The following PIP5K1A variants were observed in gnomAD, a reference collection of about 807,000 sequenced individuals.
PIP5K1A encodes the protein phosphatidylinositol 4-phosphate 5-kinase type-1 alpha.
PIP5K1A carries 46 observed loss-of-function variants against 72.9 expected under a neutral mutation model. That is an observed-to-expected ratio of 0.63 (90% CI 0.50 to 0.81). The LOEUF (loss-of-function observed/expected upper bound fraction) is 0.81, where lower values mean the gene tolerates loss of function less well. Among genes scored for constraint, PIP5K1A ranks in the 30% least tolerant of loss-of-function variants. The pLI is 0.00. For missense variants in PIP5K1A, 458 were observed against 706.1 expected (o/e 0.65, Z 3.98); for synonymous variants, 228 against 255.1 (o/e 0.89, Z 1.01).
chr1:151,242,026 G>T, intron 12 of PIP5K1A, 97 bp from the exon 13 acceptor site: 1 of 1,217,898 alleles, frequency 8.2e-7, no homozygotes, highest in Non-Finnish European at 1.2e-6. Context: ...GACCAACTTT[G>T]GGTGTGTGTT....
intron 14 of PIP5K1A, among the ~76,000 whole-genome samples, chr1:151,243,208 ATT>A (rs1692018626): frequency 6.6e-6 from 1 of 152,142 alleles, no homozygotes; most frequent in Non-Finnish European, 1.5e-5. Context: ...GTCTCCAGTA[ATT>A]TACATACCTC....
upstream of PIP5K1A, among the ~76,000 whole-genome samples, chr1:151,196,625 G>T (rs1179541993): frequency 6.7e-6 from 1 of 149,004 alleles, no homozygotes; most frequent in Non-Finnish European, 1.5e-5. Flanking sequence ...CGCCATCTCG[G>T]CTCACCGAAA....
chr1:151,239,337 A>G lies in PIP5K1A; in HGVS notation c.1278+159A>G, dbSNP rs186902510. Reference sequence around the variant, plus strand: ...ACCCAGGCTGGAGTGCAGTGGCGTGATCTCGGCTCGCTGCAACCTCCGTCT... The same window carrying G: ...ACCCAGGCTGGAGTGCAGTGGCGTGGTCTCGGCTCGCTGCAACCTCCGTCT... On this transcript the variant is annotated intron_variant, in intron 11 of 15. Coordinates refer to ENST00000368888, the MANE Select transcript of PIP5K1A (RefSeq NM_001135638.2). Among the ~76,000 whole-genome samples, 20 of 149,510 alleles carry G rather than the reference A, an allele frequency of 1.3e-4. No individual in the cohort carries two copies. The East Asian group carries it at 3.7e-3, about 28-fold the overall frequency.
rs187128886 is a variant in PIP5K1A, at chr1:151,209,735, C to T, written c.85+10654C>T. ...ATTACAGGTGTGAGCCACCGTGCCC[C>T]GCCTGTATTGTTAGTAGAGACGGGG... On this transcript the variant is annotated intron_variant, in intron 1 of 15. Coordinates refer to ENST00000368888, the MANE Select transcript of PIP5K1A (RefSeq NM_001135638.2). 8.9e-3 allele frequency among the ~76,000 whole-genome samples: 1,339 copies of T among 150,418 alleles called. 26 individuals carry two copies. The highest frequency in any genetic ancestry group is 0.031 in the African/African-American group (1,260 of 40,972).
Position 151,232,378 on chromosome 1 carries a change from A to G in PIP5K1A, c.486+13A>G, listed in dbSNP as rs1428299558. 1 of 1,576,812 alleles carries G rather than the reference A, an allele frequency of 6.3e-7. No homozygotes were observed. The highest frequency in any genetic ancestry group is 1.3e-5 in the African/African-American group (1 of 74,248). On this transcript the variant is annotated intron_variant, in intron 6 of 15. Transcript: ENST00000368888. ...CGATGATTACTTGGTAAGCATCTGG[A>G]TATCAGGACACTGTGACTCCAGTAT...
At chr1:151,205,589 C>A (rs968398772) in intron 1 of PIP5K1A, among the ~76,000 whole-genome samples, 1 of 151,862 alleles carries the variant, frequency 6.6e-6, no homozygotes, top group East Asian at 2.0e-4. Context: ...GGTGGATCAC[C>A]TGAGGTCAGG....
At position 151,215,337 on chromosome 1, in the gene PIP5K1A, CT is replaced by C. The variant is rs34641426; in HGVS notation, c.86-8895del. Among the ~76,000 whole-genome samples the C allele has an allele frequency of 9.1e-4, 130 of 142,414 alleles. 1 individual carries two copies. The highest frequency in any genetic ancestry group is 2.1e-3 in the East Asian group (10 of 4,864). The allele number at this position is 142,414 out of a possible 152,430, so 93.4% of individuals were successfully genotyped here. On this transcript the variant is annotated intron_variant, in intron 1 of 15. Coordinates refer to ENST00000368888, the MANE Select transcript of PIP5K1A (RefSeq NM_001135638.2). ...ACAGGCGTGAGCCACCGCACCCGGCCTTTTTTTTTTTTTGAAAAGGAGTCTC... is the reference window on the plus strand; with the variant it reads ...ACAGGCGTGAGCCACCGCACCCGGCCTTTTTTTTTTTTGAAAAGGAGTCTC...
intron 1 of PIP5K1A, among the ~76,000 whole-genome samples, chr1:151,202,105 CCT>C: frequency 6.6e-6 from 1 of 152,180 alleles, no homozygotes; most frequent in Non-Finnish European, 1.5e-5. Context: ...TCCTAAATAA[CCT>C]CTCCTTCCCA....
chr1:151,196,834 T>TA (rs1684590861), upstream of PIP5K1A, among the ~76,000 whole-genome samples: 1 of 150,006 alleles, frequency 6.7e-6, no homozygotes, highest in African/African-American at 2.5e-5. Context: ...GTGCTGGGCT[T>TA]ACAGGCGTGA....
intron 7 of PIP5K1A, chr1:151,233,811 TC>T (rs1179391164): frequency 5.6e-6 from 1 of 177,714 alleles, no homozygotes; most frequent in Non-Finnish European, 1.2e-5. Flanking sequence ...GGTAATACTC[TC>T]TGCAGCCTTA....
chr1:151,197,882 A>G (rs1276088568), upstream of PIP5K1A: 1 of 343,906 alleles, frequency 2.9e-6, no homozygotes, highest in East Asian at 8.5e-5. Context: ...AATGGGAGAA[A>G]TTTTTCTGTG....
chr1:151,246,841 A>C, intron 14 of PIP5K1A, 79 bp from the exon 15 acceptor site: 1 of 1,007,768 alleles, frequency 9.9e-7, no homozygotes, highest in Non-Finnish European at 1.5e-6. Context: ...GAGAAGCAGT[A>C]TGAGATTTAA....
rs587617626 is a variant in PIP5K1A, at chr1:151,217,527, A to G, written c.86-6718A>G. Among the ~76,000 whole-genome samples, 7 of 152,250 alleles carry G rather than the reference A, an allele frequency of 4.6e-5. 1 individual carries two copies. The South Asian group carries it at 1.5e-3, about 32-fold the overall frequency. On this transcript the variant is annotated intron_variant, in intron 1 of 15. Coordinates refer to ENST00000368888, the MANE Select transcript of PIP5K1A (RefSeq NM_001135638.2). Reference sequence around the variant, plus strand: ...AACAAAATTCTGAGCTCCTTTATGTACAGTAGGTGGAATTGTTCATTTTTT... The same window carrying G: ...AACAAAATTCTGAGCTCCTTTATGTGCAGTAGGTGGAATTGTTCATTTTTT...
At chr1:151,198,423 GT>G, upstream of PIP5K1A, 1 of 253,240 alleles carries the variant, frequency 3.9e-6, no homozygotes, top group South Asian at 3.7e-5. Context: ...TCTTCCACCC[GT>G]GGACTCGTCA....
chr1:151,211,931 G>A (rs992729714), intron 1 of PIP5K1A, among the ~76,000 whole-genome samples: 1 of 151,670 alleles, frequency 6.6e-6, no homozygotes, highest in East Asian at 1.9e-4. Flanking sequence ...GTGAAACCCC[G>A]TCTCTACTAA....
chr1:151,244,613 G>A (rs899562879), intron 14 of PIP5K1A, among the ~76,000 whole-genome samples: 20 of 152,156 alleles, frequency 1.3e-4, no homozygotes, highest in African/African-American at 4.6e-4. Context: ...CCGAAATCGC[G>A]CCACTGGACT....
intron 1 of PIP5K1A, among the ~76,000 whole-genome samples, chr1:151,207,589 T>C (rs1325479293): frequency 6.6e-6 from 1 of 150,918 alleles, no homozygotes; most frequent in Admixed American, 6.6e-5. Context: ...TGGAGTGCAG[T>C]GGCGTGATCT....
intron 7 of PIP5K1A, 29 bp downstream of exon 7, chr1:151,232,732 G>C: frequency 2.5e-6 from 4 of 1,603,126 alleles, no homozygotes; most frequent in Non-Finnish European, 2.6e-6. Context: ...CTGTCCACCT[G>C]TGCTGCTCAC....
At chr1:151,204,037 T>C (rs1685582898) in intron 1 of PIP5K1A, among the ~76,000 whole-genome samples, 1 of 152,124 alleles carries the variant, frequency 6.6e-6, no homozygotes, top group Admixed American at 6.6e-5. Context: ...GATACAGTAT[T>C]GGAGCATTTT....
Sources: gnomAD v4.1 joint callset for allele counts (sites outside exome capture counted in the v4.1 genomes callset) on GRCh38, gnomAD v4.1.1 for gene constraint, MANE v1.5 for transcripts, NCBI Gene and HGNC (gene_info 2026-07-23, HGNC 2026-07-21) for gene names.